CLEC5A: variants seen among roughly 807,000 people sequenced by gnomAD.
The protein encoded by CLEC5A is C-type lectin domain containing 5A.
Under a neutral mutation model 24.4 loss-of-function variants are expected in CLEC5A, and 15 were observed. That is an observed-to-expected ratio of 0.62 (90% CI 0.41 to 0.95). CLEC5A has a LOEUF of 0.95. Among genes scored for constraint, CLEC5A ranks in the 40% least tolerant of loss-of-function variants. CLEC5A has a pLI of 0.00. For missense variants in CLEC5A, 211 were observed against 224.0 expected (o/e 0.94, Z 0.37); for synonymous variants, 71 against 72.6 (o/e 0.98, Z 0.11).
intron 6 of CLEC5A, among the ~76,000 whole-genome samples, chr7:141,931,336 G>C (rs782475409): frequency 3.9e-5 from 6 of 152,134 alleles, no homozygotes; most frequent in Admixed American, 3.9e-4. Context: ...ATCCAGTCTA[G>C]ACTCATATCT....
At position 141,945,955 on chromosome 7, in the gene CLEC5A, T is replaced by C. The variant is rs532917962; in HGVS notation, c.79+259A>G. 5 of 463,076 alleles carry C rather than the reference T, an allele frequency of 1.1e-5. No homozygotes were observed. In the East Asian group the frequency reaches 1.1e-4, roughly 10 times the overall value. 28.7% of individuals were successfully genotyped at this position (463,076 alleles called of 1,614,324 possible). ...AGCTGAGATCACCCAAATAATACTC[T>C]ACTAGCAAAAGCTTTGCGTGGCGTT... is the stretch of plus-strand genomic sequence containing the variant. On this transcript the variant is annotated intron_variant, in intron 2 of 6. Transcript: ENST00000546910.
intron 4 of CLEC5A, among the ~76,000 whole-genome samples, chr7:141,938,267 A>G (rs1476266546): frequency 6.6e-6 from 1 of 152,184 alleles, no homozygotes; most frequent in East Asian, 1.9e-4. Context: ...ACTCAAAGAA[A>G]TTCAAGATAA....
chr7:141,930,646 C>T (rs550192884), intron 6 of CLEC5A, among the ~76,000 whole-genome samples: 1 of 152,300 alleles, frequency 6.6e-6, no homozygotes, highest in East Asian at 1.9e-4. Flanking sequence ...ACCATAGTGG[C>T]CTCAGAAAAA....
intron 5 of CLEC5A, among the ~76,000 whole-genome samples, chr7:141,934,172 T>C (rs1408113473): frequency 1.3e-5 from 2 of 152,120 alleles, no homozygotes; most frequent in African/African-American, 4.8e-5. Flanking sequence ...TGGAAAATGG[T>C]ACAGTTTAGA....
chr7:141,943,964 A>T lies in CLEC5A; in HGVS notation c.140T>A (p.Val47Asp). The part of the protein sequence containing the change: ...GFTTTRSYGT[V>D]SQIFGSSSPS... ...GGAACTGCTCCCAAAAATCTGTGAGACTAAAGTGAAAAGTAAACCTAAAGG... is the reference window on the plus strand; with the variant it reads ...GGAACTGCTCCCAAAAATCTGTGAGTCTAAAGTGAAAAGTAAACCTAAAGG... The change falls in exon 4 of 7, where the codon GTC (valine) becomes GAC (aspartate). Residue 47 changes from valine to aspartate, a missense_variant and splice_region_variant. Transcript: ENST00000546910. 6.3e-7 allele frequency: 1 copy of T among 1,596,306 alleles called. No individual in the cohort carries two copies. Among genetic ancestry groups the T allele is most frequent in the Non-Finnish European group, 8.6e-7 (1 of 1,164,118 alleles).
intron 4 of CLEC5A, among the ~76,000 whole-genome samples, chr7:141,942,395 C>T (rs1802819205): frequency 1.3e-5 from 2 of 152,158 alleles, no homozygotes; most frequent in East Asian, 3.9e-4. Flanking sequence ...TGAAAGGAGA[C>T]CCTTATCTCT....
chr7:141,942,851 G>A (rs1192762767), intron 4 of CLEC5A, among the ~76,000 whole-genome samples: 1 of 152,136 alleles, frequency 6.6e-6, no homozygotes, highest in Non-Finnish European at 1.5e-5. Context: ...CCTCATTATA[G>A]AATTTCAAAT....
In CLEC5A at chr7:141,931,807, G is replaced by T; in HGVS notation, c.365C>A (p.Thr122Asn). ...PEKLKFLQDI[T>N]DAEKYFIGLI... Reference sequence around the variant, plus strand: ...GCCAATAAAATACTTCTCAGCATCAGTTATGTCCTGAAGAAACTTCTGGAA... The same window carrying T: ...GCCAATAAAATACTTCTCAGCATCATTTATGTCCTGAAGAAACTTCTGGAA... The change falls in exon 6 of 7, where the codon ACT becomes AAT. Residue 122 changes from threonine (T) to asparagine (N), a missense_variant. Transcript: ENST00000546910. 1 of 1,581,422 alleles carries T rather than the reference G, an allele frequency of 6.3e-7. No individual in the cohort carries two copies. The highest frequency in any genetic ancestry group is 8.6e-7 in the Non-Finnish European group (1 of 1,159,018).
Position 141,930,121 on chromosome 7 carries a change from C to G in CLEC5A, c.550G>C (p.Glu184Gln). ...AACTGTGATCATTTGGCATTCTTCT[C>G]ACAGATCCTGCGGTAGCTGATGTCA... ...SCDISYRRIC[E>Q]KNAK is the part of the protein sequence containing the mutation. Residue 184 changes from glutamate to glutamine, a missense_variant, in exon 7 of 7, where the codon GAG becomes CAG. Glu to Gln is a conservative substitution (Grantham distance 29). Coordinates refer to ENST00000546910, the MANE Select transcript of CLEC5A (RefSeq NM_013252.3). 1.9e-6 allele frequency: 3 copies of G among 1,613,914 alleles called. No homozygotes were observed. The highest frequency in any genetic ancestry group is 2.5e-6 in the Non-Finnish European group (3 of 1,179,824).
intron 4 of CLEC5A, among the ~76,000 whole-genome samples, chr7:141,940,953 G>T (rs180857254): frequency 2.6e-4 from 39 of 151,954 alleles, no homozygotes; most frequent in African/African-American, 8.7e-4. Flanking sequence ...TCCCAATAAA[G>T]AAAAGCCCAG....
chr7:141,945,106 C>A (rs1584855092), intron 3 of CLEC5A, among the ~76,000 whole-genome samples: 2 of 152,266 alleles, frequency 1.3e-5, no homozygotes, highest in Non-Finnish European at 2.9e-5. Context: ...CATTCTATTA[C>A]AATGATTAGA....
In CLEC5A at chr7:141,929,851, C is replaced by T. The variant is rs868947315; in HGVS notation, c.*253G>A. The stretch of plus-strand genomic sequence containing the variant: ...TGTCAACAGACTAGGCCTTTTTGAT[C>T]AGTCAGAAATGCTCAGTACTACAGA... On this transcript the variant is annotated 3_prime_UTR_variant, in exon 7 of 7. Transcript: ENST00000546910. 1 of 389,724 alleles carries T rather than the reference C, an allele frequency of 2.6e-6. No individual in the cohort carries two copies. The highest frequency in any genetic ancestry group is 4.6e-6 in the Non-Finnish European group (1 of 215,864). The allele number at this position is 389,724 out of a possible 1,614,324, so 24.1% of individuals were successfully genotyped here.
intron 4 of CLEC5A, 77 bp from the exon 5 acceptor site, chr7:141,936,027 G>A: frequency 8.2e-7 from 1 of 1,217,456 alleles, no homozygotes; most frequent in African/African-American, 1.5e-5. Flanking sequence ...ATGAAACAGT[G>A]ATACATATTT....
intron 4 of CLEC5A, among the ~76,000 whole-genome samples, chr7:141,940,835 T>C (rs1339630258): frequency 3.3e-5 from 5 of 151,916 alleles, no homozygotes; most frequent in Non-Finnish European, 7.4e-5. Context: ...CTAGAAGAAA[T>C]GGGCAAATTC....
At chr7:141,936,149 C>T (rs542803352) in intron 4 of CLEC5A, 199 bp from the exon 5 acceptor site, 46 of 576,810 alleles carry the variant, frequency 8.0e-5, no homozygotes, top group South Asian at 4.8e-4. Flanking sequence ...AGGAGAAGAG[C>T]GCAGTGGCTG....
At position 141,929,949 on chromosome 7, in the gene CLEC5A, CCAG is replaced by C; in HGVS notation, c.*152_*154del. 1.7e-6 allele frequency: 1 copy of C among 594,796 alleles called. No homozygotes were observed. The highest frequency in any genetic ancestry group is 2.9e-5 in the East Asian group (1 of 34,266). 36.8% of individuals were successfully genotyped at this position (594,796 alleles called of 1,614,324 possible). On this transcript the variant is annotated 3_prime_UTR_variant, in exon 7 of 7. Transcript: ENST00000546910. ...CCTGTCTCCTGGAGATGGCTAGCATCCAGTCCCCCAGTGCAGAAGAAAGAAGCT... is the reference window on the plus strand; with the variant it reads ...CCTGTCTCCTGGAGATGGCTAGCATCTCCCCCAGTGCAGAAGAAAGAAGCT...
Position 141,930,208 on chromosome 7 carries a change from G to T in CLEC5A, c.463C>A (p.Gln155Lys). ...NSVFNGNVTN[Q>K]NQNFNCATIG... is the part of the protein sequence containing the mutation. ...GTCGCACAGTTGAAATTCTGATTCT[G>T]ATTGGTAACACTAAATGAGAAAACA... The change falls in exon 7 of 7, where the codon CAG becomes AAG. Residue 155 changes from glutamine (Q) to lysine (K), a missense_variant. Physicochemically the swap from Gln to Lys is moderately conservative, Grantham distance 53. Transcript: ENST00000546910. The T allele has an allele frequency of 6.2e-7, 1 of 1,611,836 alleles. No individual in the cohort carries two copies. The highest frequency in any genetic ancestry group is 8.5e-7 in the Non-Finnish European group (1 of 1,178,024).
chr7:141,943,052 G>A (rs1802843873), intron 4 of CLEC5A, among the ~76,000 whole-genome samples: 1 of 152,016 alleles, frequency 6.6e-6, no homozygotes, highest in Non-Finnish European at 1.5e-5. Context: ...CTACCACATG[G>A]CCCAGCAATT....
intron 4 of CLEC5A, among the ~76,000 whole-genome samples, chr7:141,940,999 T>C (rs1802780336): frequency 6.6e-6 from 1 of 152,054 alleles, no homozygotes; most frequent in South Asian, 2.1e-4. Context: ...CTGCCAAGTA[T>C]TTAAAGAAGA....
Sources: gnomAD v4.1 joint callset for allele counts (sites outside exome capture counted in the v4.1 genomes callset) on GRCh38, gnomAD v4.1.1 for gene constraint, MANE v1.5 for transcripts, NCBI Gene and HGNC (gene_info 2026-07-23, HGNC 2026-07-21) for gene names.